Variants in FAM185A observed in about 807,000 individuals in gnomAD.
FAM185A encodes the protein protein FAM185A.
In FAM185A, 21 loss-of-function variants were observed where a neutral mutation model predicts 45.7. That is an observed-to-expected ratio of 0.46 (90% CI 0.33 to 0.66). FAM185A has a LOEUF of 0.66. Among genes scored for constraint, FAM185A ranks in the 30% least tolerant of loss-of-function variants. The pLI, the probability that FAM185A is intolerant of heterozygous loss-of-function variation, is 0.03. For synonymous variants in FAM185A, 117 were observed against 194.0 expected, an observed-to-expected ratio of 0.60 and a Z score of 3.30; for missense variants, 305 against 485.4, an observed-to-expected ratio of 0.63 and a Z score of 3.49.
the FAM185A span, among the ~76,000 whole-genome samples, chr7:102,818,428 A>C: frequency 6.6e-6 from 1 of 152,208 alleles, no homozygotes; most frequent in Non-Finnish European, 1.5e-5. Flanking sequence ...AATATCTGTA[A>C]AATAGGATTT....
At chr7:102,809,900 G>C (rs1797334928), downstream of FAM185A, among the ~76,000 whole-genome samples, 1 of 151,988 alleles carries the variant, frequency 6.6e-6, no homozygotes, top group South Asian at 2.1e-4. Flanking sequence ...CACCTTCTTG[G>C]TTCTGTCCTC....
chr7:102,803,527 T>C (rs1768637974), intron 7 of FAM185A, among the ~76,000 whole-genome samples: 1 of 152,172 alleles, frequency 6.6e-6, no homozygotes, highest in African/African-American at 2.4e-5. Flanking sequence ...ACAAGGGACA[T>C]ACCTCAATGT....
chr7:102,822,303 C>G, the FAM185A span: 1 of 1,118,790 alleles, frequency 8.9e-7, no homozygotes, highest in Non-Finnish European at 1.3e-6. Flanking sequence ...CTACCACAGA[C>G]TGTGGCTTAA....
the FAM185A span, among the ~76,000 whole-genome samples, chr7:102,845,669 C>G: frequency 6.6e-6 from 1 of 152,186 alleles, no homozygotes; most frequent in East Asian, 1.9e-4. Context: ...TAATCCATTT[C>G]CTTCTCCCCA....
At chr7:102,772,546 A>G (rs1794817711) in intron 5 of FAM185A, 96 bp downstream of exon 5, 1 of 686,100 alleles carries the variant, frequency 1.5e-6, no homozygotes, top group Non-Finnish European at 2.3e-6. Context: ...CTACAGTTTA[A>G]CTGATGAACT....
chr7:102,849,575 T>G, the FAM185A span, among the ~76,000 whole-genome samples: 83 of 152,386 alleles, frequency 5.4e-4, no homozygotes, highest in African/African-American at 1.9e-3. Flanking sequence ...GCATTCTTTA[T>G]AAAGTGCAGA....
At chr7:102,834,141 A>AGAAAGAAAG in the FAM185A span, among the ~76,000 whole-genome samples, 1 of 140,528 alleles carries the variant, frequency 7.1e-6, no homozygotes, top group African/African-American at 2.9e-5. Context: ...AAAGAAAGAA[A>AGAAAGAAAG]AGAGAAGACA....
At chr7:102,847,135 GA>G in the FAM185A span, among the ~76,000 whole-genome samples, 1 of 152,004 alleles carries the variant, frequency 6.6e-6, no homozygotes, top group African/African-American at 2.4e-5. Flanking sequence ...GCAAAGTTGG[GA>G]AGTTGCGACA....
chr7:102,754,640 G>A (rs147563877), intron 2 of FAM185A, among the ~76,000 whole-genome samples: 3,727 of 152,066 alleles, frequency 0.025, 51 homozygotes, highest in African/African-American at 0.085. Context: ...ACTCACTTGC[G>A]TTCACATAGC....
chr7:102,813,460 A>T (rs1797578424), downstream of FAM185A: 8 of 1,614,034 alleles, frequency 5.0e-6, no homozygotes, highest in African/African-American at 2.7e-5. Flanking sequence ...ATCATAGCCA[A>T]ACCAACGTGG....
At chr7:102,789,496 G>C (rs1258632184) in intron 7 of FAM185A, among the ~76,000 whole-genome samples, 4 of 152,196 alleles carry the variant, frequency 2.6e-5, no homozygotes, top group Non-Finnish European at 4.4e-5. Context: ...ATCGTTTGAG[G>C]TCAGGAGTTC....
chr7:102,843,840 G>A, the FAM185A span, among the ~76,000 whole-genome samples: 1 of 151,942 alleles, frequency 6.6e-6, no homozygotes, highest in Non-Finnish European at 1.5e-5. Flanking sequence ...CAAGATTGAG[G>A]GTCTCAAAAA....
At chr7:102,785,013 A>C (rs563951711) in intron 6 of FAM185A, among the ~76,000 whole-genome samples, 5 of 151,792 alleles carry the variant, frequency 3.3e-5, no homozygotes, top group Non-Finnish European at 7.4e-5. Flanking sequence ...ATGTGCAAAA[A>C]TCACAAGCAT....
At chr7:102,807,968 G>A (rs536169151) in intron 7 of FAM185A, among the ~76,000 whole-genome samples, 10 of 152,278 alleles carry the variant, frequency 6.6e-5, no homozygotes, top group Admixed American at 6.5e-5. Context: ...GTCTGAGGCC[G>A]GAGAACCGCT....
chr7:102,817,149 G>A, the FAM185A span, among the ~76,000 whole-genome samples: 1 of 152,192 alleles, frequency 6.6e-6, no homozygotes, highest in Admixed American at 6.5e-5. Flanking sequence ...GGATGAAATG[G>A]TAATTCTATT....
the FAM185A span, among the ~76,000 whole-genome samples, chr7:102,839,864 A>G: frequency 6.6e-6 from 1 of 152,106 alleles, no homozygotes; most frequent in South Asian, 2.1e-4. Context: ...AATAGAATGT[A>G]TGAGATAAAA....
chr7:102,823,436 T>C, the FAM185A span, among the ~76,000 whole-genome samples: 697 of 152,240 alleles, frequency 4.6e-3, 7 homozygotes, highest in African/African-American at 0.016. Context: ...GTGAGACAGA[T>C]GTTTGGAAGC....
intron 4 of FAM185A, among the ~76,000 whole-genome samples, chr7:102,763,162 T>C (rs1794205481): frequency 6.6e-6 from 1 of 151,906 alleles, no homozygotes; most frequent in South Asian, 2.1e-4. Flanking sequence ...ATTAATTGCC[T>C]AGATGGTAGT....
the FAM185A span, among the ~76,000 whole-genome samples, chr7:102,819,678 T>C: frequency 6.6e-6 from 1 of 152,170 alleles, no homozygotes; most frequent in Non-Finnish European, 1.5e-5. Flanking sequence ...GACATTGAGC[T>C]TCTTCCCAAG....
Sources: gnomAD v4.1 joint callset for allele counts (sites outside exome capture counted in the v4.1 genomes callset) on GRCh38, gnomAD v4.1.1 for gene constraint, MANE v1.5 for transcripts, NCBI Gene and HGNC (gene_info 2026-07-23, HGNC 2026-07-21) for gene names.